The following IMPG1 variants were observed in gnomAD, a reference collection of about 807,000 sequenced individuals.
IMPG1 encodes interphotoreceptor matrix proteoglycan 1, also known as interphotoreceptor matrix proteoglycan of 150 kDa.
IMPG1 carries 85 observed loss-of-function variants against 92.0 expected under a neutral mutation model. The ratio of observed to expected loss-of-function variants is 0.92; its 90% CI spans 0.78 to 1.11. IMPG1 has a LOEUF of 1.11. Among genes scored for constraint, IMPG1 ranks in the 50% least tolerant of loss-of-function variants. The pLI is 0.00. For missense variants in IMPG1, 1,022 were observed against 956.0 expected (o/e 1.07, Z -0.91); for synonymous variants, 367 against 334.1 (o/e 1.10, Z -1.08).
chr6:75,921,167 ATAT>A lies in IMPG1; in HGVS notation c.*919_*921del, dbSNP rs1243314375. On this transcript the variant is annotated 3_prime_UTR_variant, in exon 17 of 17. Coordinates refer to ENST00000369950, the MANE Select transcript of IMPG1 (RefSeq NM_001563.4). ...TTAAGGTTTGTAGCAAATATATCTGATATTAGAACATTTGAAAGAGATAGAGAC... is the reference window on the plus strand; with the variant it reads ...TTAAGGTTTGTAGCAAATATATCTGATAGAACATTTGAAAGAGATAGAGAC... 6.6e-6 allele frequency: 1 copy of A among 152,088 alleles called. No individual in the cohort carries two copies. The highest frequency in any genetic ancestry group is 1.5e-5 in the Non-Finnish European group (1 of 68,038). The allele number at this position is 152,088 out of a possible 1,614,324, so 9.4% of individuals were successfully genotyped here.
chr6:75,998,343 C>G (rs536267487), intron 12 of IMPG1, among the ~76,000 whole-genome samples: 27 of 152,170 alleles, frequency 1.8e-4, no homozygotes, highest in Non-Finnish European at 3.7e-4. Context: ...TAGAGACAGA[C>G]GGCTGTCCCT....
intron 12 of IMPG1, among the ~76,000 whole-genome samples, chr6:75,989,244 C>G (rs1782774230): frequency 6.6e-6 from 1 of 152,102 alleles, no homozygotes; most frequent in Non-Finnish European, 1.5e-5. Flanking sequence ...TGCCACTGTG[C>G]CTGGCTAATT....
chr6:75,928,179 C>T (rs1781591865), intron 15 of IMPG1, among the ~76,000 whole-genome samples: 1 of 151,880 alleles, frequency 6.6e-6, no homozygotes. Flanking sequence ...CCCTTTCTTC[C>T]CACCCCTCAA....
chr6:76,023,566 C>T (rs1353282650), intron 5 of IMPG1, among the ~76,000 whole-genome samples: 1 of 152,274 alleles, frequency 6.6e-6, no homozygotes, highest in Non-Finnish European at 1.5e-5. Flanking sequence ...ACCTAGGCAC[C>T]TAGTAACATT....
At position 76,056,662 on chromosome 6, in the gene IMPG1, G is replaced by A. The variant is rs764420020; in HGVS notation, c.68-14536C>T. 9.2e-5 allele frequency among the ~76,000 whole-genome samples: 14 copies of A among 152,168 alleles called. 1 individual carries two copies. The South Asian group carries it at 2.1e-3, about 23-fold the overall frequency. Reference sequence around the variant, plus strand: ...ATATTTCCACCAACAATGTTCAAAGGTTCCCTTTTCTCCACAACCTTGCCA... The same window carrying A: ...ATATTTCCACCAACAATGTTCAAAGATTCCCTTTTCTCCACAACCTTGCCA... On this transcript the variant is annotated intron_variant, in intron 1 of 16. Coordinates refer to ENST00000369950, the MANE Select transcript of IMPG1 (RefSeq NM_001563.4).
At chr6:76,042,924 C>T (rs1473923558) in intron 1 of IMPG1, among the ~76,000 whole-genome samples, 1 of 152,056 alleles carries the variant, frequency 6.6e-6, no homozygotes, top group African/African-American at 2.4e-5. Context: ...ATATGTATTA[C>T]CTCATATCCT....
chr6:75,957,258 A>C (rs1782143719), intron 12 of IMPG1, among the ~76,000 whole-genome samples: 2 of 152,264 alleles, frequency 1.3e-5, no homozygotes, highest in Admixed American at 6.5e-5. Flanking sequence ...AGTTGATTGC[A>C]TTGTGGTCTG....
intron 1 of IMPG1, among the ~76,000 whole-genome samples, chr6:76,062,269 T>C (rs2127597879): frequency 6.6e-6 from 1 of 152,342 alleles, no homozygotes; most frequent in Admixed American, 6.5e-5. Context: ...GCAATGTTAT[T>C]TGCCATAACA....
In IMPG1 at chr6:75,966,591, T is replaced by G. The variant is rs79832650; in HGVS notation, c.1292-15497A>C. On this transcript the variant is annotated intron_variant, in intron 12 of 16. Transcript: ENST00000369950. The stretch of plus-strand genomic sequence containing the variant: ...AGAACTATAAGCAATACATTTATTT[T>G]CTTTATAAATTACCCAGTCTGTGGT... Among the ~76,000 whole-genome samples, 888 of 152,320 alleles carry G rather than the reference T, an allele frequency of 5.8e-3. 12 individuals are homozygous for G. Among genetic ancestry groups the G allele is most frequent in the African/African-American group, 0.02 (837 of 41,570 alleles).
At chr6:75,963,954 T>G (rs1265337213) in intron 12 of IMPG1, among the ~76,000 whole-genome samples, 1 of 152,220 alleles carries the variant, frequency 6.6e-6, no homozygotes, top group East Asian at 1.9e-4. Flanking sequence ...GCAAATGCAC[T>G]AATTGCTACT....
rs566154756 is a variant in IMPG1, at chr6:76,041,948, T to C, written c.246A>G (p.Pro82=). 2.5e-6 allele frequency: 4 copies of C among 1,613,992 alleles called. No individual in the cohort carries two copies. The East Asian group carries it at 6.7e-5, about 27-fold the overall frequency. Residue 82 remains proline, a synonymous_variant, in exon 2 of 17, where the codon CCA becomes CCG. Transcript: ENST00000369950. ...CTAAAATCTGTTTCATGGATTCCTGTGGACAGACTTTAACCCCCGTTGGGA... is the reference window on the plus strand; with the variant it reads ...CTAAAATCTGTTTCATGGATTCCTGCGGACAGACTTTAACCCCCGTTGGGA... ...AFFPTGVKVC[P]QESMKQILDS...
chr6:75,984,645 A>T (rs1782684497), intron 12 of IMPG1, among the ~76,000 whole-genome samples: 1 of 152,194 alleles, frequency 6.6e-6, no homozygotes, highest in South Asian at 2.1e-4. Flanking sequence ...ATCATTTTTG[A>T]TATAGTTTGG....
At chr6:76,003,057 G>T in intron 11 of IMPG1, 61 bp from the exon 12 acceptor site, 1 of 1,188,276 alleles carries the variant, frequency 8.4e-7, no homozygotes, top group Non-Finnish European at 1.3e-6. Flanking sequence ...ATATGAGAAG[G>T]GCTATACCCA....
At position 75,947,395 on chromosome 6, in the gene IMPG1, C is replaced by T. The variant is rs751273411; in HGVS notation, c.1963G>A (p.Gly655Arg). ...VPYNLTKAVH[G>R]VLEDFRSAAA... ...GCAGAACGAAAATCCTCCAAGACCCCGTGCACAGCCTTGGTGAGGTTATAC... is the reference window on the plus strand; with the variant it reads ...GCAGAACGAAAATCCTCCAAGACCCTGTGCACAGCCTTGGTGAGGTTATAC... The change falls in exon 14 of 17, where the codon GGG becomes AGG. Residue 655 changes from glycine to arginine, a missense_variant. By Grantham distance (125) the Gly-to-Arg change is moderately radical (BLOSUM62 -2). Around this residue, in one of 3 missense-constraint regions of IMPG1, gnomAD observed 332 missense variants for 346.2 expected, o/e 0.96. Transcript: ENST00000369950. 37 of 1,613,790 alleles carry T rather than the reference C, an allele frequency of 2.3e-5. No homozygotes were observed. The highest frequency in any genetic ancestry group is 1.4e-4 in the South Asian group (13 of 91,080).
At chr6:75,925,027 A>C (rs1781527669) in intron 15 of IMPG1, among the ~76,000 whole-genome samples, 1 of 151,512 alleles carries the variant, frequency 6.6e-6, no homozygotes, top group Non-Finnish European at 1.5e-5. Flanking sequence ...AGTTACAATT[A>C]GGTAGGTGGG....
At chr6:76,021,842 G>A (rs769925288) in intron 6 of IMPG1, among the ~76,000 whole-genome samples, 7 of 105,502 alleles carry the variant, frequency 6.6e-5, no homozygotes, top group Non-Finnish European at 1.2e-4. Flanking sequence ...GTTAGGTGCT[G>A]GGGAAAAAGA....
chr6:76,065,866 T>C (rs1784300512), intron 1 of IMPG1, among the ~76,000 whole-genome samples: 1 of 152,112 alleles, frequency 6.6e-6, no homozygotes, highest in African/African-American at 2.4e-5. Flanking sequence ...TCTCATAGTA[T>C]TAGCAGCAGA....
intron 12 of IMPG1, among the ~76,000 whole-genome samples, chr6:75,987,927 G>C (rs1024950465): frequency 1.3e-5 from 2 of 152,162 alleles, no homozygotes; most frequent in Non-Finnish European, 2.9e-5. Context: ...GATTACAGGC[G>C]TGAGCCACCG....
chr6:76,022,084 G>T, intron 6 of IMPG1, 32 bp downstream of exon 6: 2 of 1,209,174 alleles, frequency 1.7e-6, no homozygotes, highest in South Asian at 1.2e-5. Flanking sequence ...ACAGGCACAT[G>T]AAGAGCTAGA....
Sources: allele counts gnomAD v4.1 joint callset (sites outside exome capture counted in the v4.1 genomes callset), GRCh38; gene constraint gnomAD v4.1.1; regional missense constraint gnomAD v4.1.1; transcripts MANE v1.5; gene names NCBI Gene and HGNC (gene_info 2026-07-23, HGNC 2026-07-21).